Variants in SPIDR observed in about 807,000 individuals in gnomAD.
The protein encoded by SPIDR is DNA repair-scaffolding protein.
In SPIDR, 93 loss-of-function variants were observed where a neutral mutation model predicts 104.6. The ratio of observed to expected loss-of-function variants is 0.89; its 90% CI spans 0.75 to 1.06. The LOEUF is 1.06. SPIDR is among the 50% of genes least tolerant of loss of function. SPIDR has a pLI of 0.00. For missense variants in SPIDR, 1,154 were observed against 1,111.2 expected, an observed-to-expected ratio of 1.04 and a Z score of -0.55; for synonymous variants, 431 against 416.9, an observed-to-expected ratio of 1.03 and a Z score of -0.41.
intron 6 of SPIDR, among the ~76,000 whole-genome samples, chr8:47,407,577 A>C (rs2062931815): frequency 6.6e-6 from 1 of 152,202 alleles, no homozygotes; most frequent in African/African-American, 2.4e-5. Flanking sequence ...AGAATAGAAA[A>C]ATAGGTAAGC....
At chr8:47,384,708 G>A (rs997650736) in intron 5 of SPIDR, among the ~76,000 whole-genome samples, 2 of 152,116 alleles carry the variant, frequency 1.3e-5, no homozygotes, top group African/African-American at 2.4e-5. Context: ...CACCCCTGCC[G>A]TCCTCTCCTC....
At chr8:47,378,180 A>G (rs1449740440) in intron 5 of SPIDR, among the ~76,000 whole-genome samples, 4 of 152,206 alleles carry the variant, frequency 2.6e-5, no homozygotes, top group Non-Finnish European at 5.9e-5. Flanking sequence ...CCCATAGTTC[A>G]TGTTCTTGCA....
At chr8:47,513,263 A>G (rs1305529815) in intron 8 of SPIDR, among the ~76,000 whole-genome samples, 1 of 152,264 alleles carries the variant, frequency 6.6e-6, no homozygotes, top group Non-Finnish European at 1.5e-5. Flanking sequence ...ATTCTTAACA[A>G]ACAGGTTTTG....
At chr8:47,406,672 A>G (rs182797565) in intron 6 of SPIDR, among the ~76,000 whole-genome samples, 1 of 152,298 alleles carries the variant, frequency 6.6e-6, no homozygotes, top group East Asian at 1.9e-4. Flanking sequence ...AAAGATCTGT[A>G]TATAGGCTGC....
intron 8 of SPIDR, among the ~76,000 whole-genome samples, chr8:47,492,804 C>T (rs756608192): frequency 5.3e-5 from 8 of 152,148 alleles, no homozygotes; most frequent in Non-Finnish European, 1.0e-4. Flanking sequence ...ACAAGTTTTC[C>T]TTCATGCAGC....
At chr8:47,664,542 A>C (rs937059329) in intron 10 of SPIDR, among the ~76,000 whole-genome samples, 3 of 152,144 alleles carry the variant, frequency 2.0e-5, no homozygotes, top group Non-Finnish European at 2.9e-5. Flanking sequence ...ACAACAACCA[A>C]AGTGAAAAAT....
intron 10 of SPIDR, among the ~76,000 whole-genome samples, chr8:47,636,485 T>C (rs2067939715): frequency 6.6e-6 from 1 of 152,180 alleles, no homozygotes; most frequent in Non-Finnish European, 1.5e-5. Context: ...GGGGAAGGCA[T>C]GGCAAAAGCC....
At chr8:47,719,925 CAG>C (rs2083157653) in intron 16 of SPIDR, among the ~76,000 whole-genome samples, 1 of 152,204 alleles carries the variant, frequency 6.6e-6, no homozygotes, top group South Asian at 2.1e-4. Flanking sequence ...TTGGTTTTGA[CAG>C]ATGTATAATA....
At chr8:47,672,812 C>G (rs1485475992) in intron 10 of SPIDR, among the ~76,000 whole-genome samples, 1 of 152,178 alleles carries the variant, frequency 6.6e-6, no homozygotes, top group Admixed American at 6.5e-5. Context: ...TTTGTTTGGT[C>G]TTATTCCATG....
intron 10 of SPIDR, among the ~76,000 whole-genome samples, chr8:47,654,826 G>A (rs1023438452): frequency 2.0e-5 from 3 of 152,040 alleles, no homozygotes; most frequent in Non-Finnish European, 2.9e-5. Context: ...GCTGCACCCA[G>A]TAACTCGTCA....
chr8:47,312,905 G>A (rs1554586579), intron 5 of SPIDR, among the ~76,000 whole-genome samples: 2 of 152,106 alleles, frequency 1.3e-5, no homozygotes, highest in Non-Finnish European at 2.9e-5. Context: ...TGTATAAGGT[G>A]TAAGGAAGGG....
chr8:47,551,084 G>A lies in SPIDR; in HGVS notation c.1098-44727G>A, dbSNP rs577761680. ...TGATGGATTACATTTATTGATTTGC[G>A]TATGTTGAACCAGCCTTGCATCCCA... is the stretch of plus-strand genomic sequence containing the variant. On this transcript the variant is annotated intron_variant, in intron 8 of 19. Coordinates refer to ENST00000297423, the MANE Select transcript of SPIDR (RefSeq NM_001080394.4). Among the ~76,000 whole-genome samples, 7 of 152,270 alleles carry A rather than the reference G, an allele frequency of 4.6e-5. No individual in the cohort carries two copies. The East Asian group carries it at 7.7e-4, about 17-fold the overall frequency.
chr8:47,313,915 T>G (rs1163985430), intron 5 of SPIDR, among the ~76,000 whole-genome samples: 2 of 152,216 alleles, frequency 1.3e-5, no homozygotes, highest in African/African-American at 4.8e-5. Flanking sequence ...TAAGAAAATC[T>G]TTATACTACA....
chr8:47,655,657 T>G (rs1035371408), intron 10 of SPIDR, among the ~76,000 whole-genome samples: 1 of 152,236 alleles, frequency 6.6e-6, no homozygotes, highest in African/African-American at 2.4e-5. Context: ...TGCAAAAATT[T>G]TCTCCCATTC....
At chr8:47,730,481 G>A (rs952842218) in intron 19 of SPIDR, among the ~76,000 whole-genome samples, 33 of 152,380 alleles carry the variant, frequency 2.2e-4, no homozygotes, top group African/African-American at 6.3e-4. Context: ...CTTGGGCCAC[G>A]CTGGAAGGGA....
chr8:47,566,524 C>A (rs983667580), intron 8 of SPIDR, among the ~76,000 whole-genome samples: 6 of 152,064 alleles, frequency 3.9e-5, no homozygotes, highest in African/African-American at 1.4e-4. Flanking sequence ...CACTGAGTAT[C>A]TTTTTTTATT....
chr8:47,633,494 G>A (rs2067381035), intron 10 of SPIDR, among the ~76,000 whole-genome samples: 2 of 150,060 alleles, frequency 1.3e-5, no homozygotes, highest in African/African-American at 2.5e-5. Flanking sequence ...GCCATCTGAT[G>A]TGTATAAGAG....
chr8:47,398,228 A>G (rs1339137922), intron 6 of SPIDR, among the ~76,000 whole-genome samples: 5 of 152,224 alleles, frequency 3.3e-5, no homozygotes, highest in African/African-American at 1.2e-4. Flanking sequence ...GGTGAAGGTG[A>G]TGCCATGCGA....
At chr8:47,649,827 C>A (rs2071276771) in intron 10 of SPIDR, among the ~76,000 whole-genome samples, 1 of 152,018 alleles carries the variant, frequency 6.6e-6, no homozygotes, top group African/African-American at 2.4e-5. Flanking sequence ...AAATATGATA[C>A]ATCACATTAA....
Sources: allele counts gnomAD v4.1 joint callset (sites outside exome capture counted in the v4.1 genomes callset), GRCh38; gene constraint gnomAD v4.1.1; transcripts MANE v1.5; gene names NCBI Gene and HGNC (gene_info 2026-07-23, HGNC 2026-07-21).